The following NECAP2 variants were observed in gnomAD, a reference collection of about 807,000 sequenced individuals.
NECAP2 encodes NECAP endocytosis associated 2, also known as adaptin ear-binding coat-associated protein 2.
NECAP2 carries 38 observed loss-of-function variants against 37.8 expected under a neutral mutation model. The observed-to-expected ratio is 1.01, with a 90% CI of 0.78 to 1.32. The LOEUF (loss-of-function observed/expected upper bound fraction) is 1.32. Ranked by LOEUF, NECAP2 falls within the 40% of genes most tolerant of loss-of-function variation. NECAP2 has a pLI of 0.00. For missense variants in NECAP2, 316 were observed against 334.5 expected (o/e 0.94, Z 0.43); for synonymous variants, 121 against 127.7 (o/e 0.95, Z 0.35).
chr1:16,450,354 A>C (rs1481669078), intron 5 of NECAP2: 2 of 328,830 alleles, frequency 6.1e-6, no homozygotes, highest in Non-Finnish European at 1.2e-5. Context: ...TGAGATGAGG[A>C]AATGGAGGCT....
At chr1:16,447,031 G>A (rs2086773404) in intron 2 of NECAP2, among the ~76,000 whole-genome samples, 1 of 147,808 alleles carries the variant, frequency 6.8e-6, no homozygotes, top group Non-Finnish European at 1.5e-5. Context: ...CTGCACTCCA[G>A]CCTGGGTGAC....
intron 2 of NECAP2, among the ~76,000 whole-genome samples, chr1:16,447,482 A>G (rs2086781034): frequency 6.6e-6 from 1 of 152,146 alleles, no homozygotes; most frequent in Non-Finnish European, 1.5e-5. Flanking sequence ...TACCTAGGCC[A>G]GGGTTCACCT....
At chr1:16,454,938 G>C (rs1377059045) in intron 6 of NECAP2, among the ~76,000 whole-genome samples, 1 of 152,170 alleles carries the variant, frequency 6.6e-6, no homozygotes, top group Non-Finnish European at 1.5e-5. Context: ...GTTATTTTCA[G>C]CATTTTAGAG....
intron 4 of NECAP2, 58 bp downstream of exon 4, chr1:16,448,199 G>A: frequency 6.7e-7 from 1 of 1,500,180 alleles, no homozygotes; most frequent in Non-Finnish European, 9.3e-7. Context: ...TGGACAGAAT[G>A]ATCTCCCAGG....
At chr1:16,446,868 T>C (rs2086770822) in intron 2 of NECAP2, among the ~76,000 whole-genome samples, 2 of 152,114 alleles carry the variant, frequency 1.3e-5, no homozygotes, top group South Asian at 4.1e-4. Context: ...AAGACCAGCC[T>C]GGCCAACATG....
At chr1:16,455,795 G>T in intron 6 of NECAP2, 23 bp from the exon 7 acceptor site, 2 of 1,602,998 alleles carry the variant, frequency 1.2e-6, no homozygotes, top group Non-Finnish European at 1.7e-6. Context: ...CTTCCTACGG[G>T]TCGGACTCGG....
intron 6 of NECAP2, among the ~76,000 whole-genome samples, chr1:16,452,625 C>G (rs74055681): frequency 0.027 from 4,068 of 152,124 alleles, 182 homozygotes; most frequent in African/African-American, 0.09. Context: ...GTGAGCACCT[C>G]GGGTGTGGGA....
intron 1 of NECAP2, chr1:16,441,122 A>G (rs989170023): frequency 8.1e-6 from 4 of 493,008 alleles, no homozygotes; most frequent in Non-Finnish European, 1.5e-5. Context: ...CGGGTACCCT[A>G]AACTTGGTCG....
rs780345892 is a variant in NECAP2 at position 16,451,917 on chromosome 1, C to T, written c.569C>T (p.Pro190Leu). The T allele has an allele frequency of 4.3e-6, 7 of 1,614,012 alleles. No homozygotes were observed. The highest frequency in any genetic ancestry group is 1.3e-5 in the African/African-American group (1 of 75,042). The change falls in exon 6 of 8, where the codon CCT becomes CTT. Residue 190 changes from proline to leucine, a missense_variant. Around this residue, in one of 3 missense-constraint regions of NECAP2, gnomAD observed 204 missense variants for 188.6 expected, o/e 1.08. Transcript: ENST00000337132. ...ACAGGAGGGCTGAGCCTGCTTCCCC[C>T]TCCCCCAGGGGGGAAAACCTCCACC... ...ASTGGLSLLP[P>L]PPGGKTSTLI...
intron 6 of NECAP2, among the ~76,000 whole-genome samples, chr1:16,454,352 C>G (rs142801688): frequency 6.3e-4 from 94 of 150,254 alleles, no homozygotes; most frequent in African/African-American, 2.3e-3. Context: ...AGCCACCGCA[C>G]CTCGCCTACT....
intron 6 of NECAP2, among the ~76,000 whole-genome samples, chr1:16,453,000 G>A (rs1461455865): frequency 6.6e-6 from 1 of 152,144 alleles, no homozygotes; most frequent in Non-Finnish European, 1.5e-5. Context: ...AGAGAGCCCC[G>A]GCCCGGTACC....
Position 16,459,865 on chromosome 1 carries a change from G to C in NECAP2, c.*975G>C, listed in dbSNP as rs918799012. On this transcript the variant is annotated 3_prime_UTR_variant, in exon 8 of 8. Coordinates refer to ENST00000337132, the MANE Select transcript of NECAP2 (RefSeq NM_018090.5). The stretch of plus-strand genomic sequence containing the variant: ...TTTTCTCCTTCAGGAACTGTGAATG[G>C]CTAGAAGAAGGAGCTCAGTAAACTA... 8 of 152,294 alleles carry C rather than the reference G, an allele frequency of 5.3e-5. No homozygotes were observed. The highest frequency in any genetic ancestry group is 1.7e-4 in the African/African-American group (7 of 41,568). 9.4% of individuals were successfully genotyped at this position (152,294 alleles called of 1,614,324 possible).
chr1:16,440,801 C>T lies in NECAP2; in HGVS notation c.40C>T (p.Pro14Ser). The T allele has an allele frequency of 6.2e-7, 1 of 1,614,184 alleles. No homozygotes were observed. Among genetic ancestry groups the T allele is most frequent in the Non-Finnish European group, 8.5e-7 (1 of 1,180,012 alleles). Residue 14 changes from proline to serine, a missense_variant, in exon 1 of 8, where the codon CCT becomes TCT. Physicochemically the swap from Pro to Ser is moderately conservative, Grantham distance 74. This residue lies in a region of NECAP2 where 31 missense variants were observed against 21.7 expected (regional missense o/e 1.43). Transcript: ENST00000337132. ...SGYESVLCVK[P>S]DVHVYRIPPR... ...GTACGAGTCGGTGCTCTGTGTCAAG[C>T]CTGACGTCCACGTCTACCGCATCCC...
intron 7 of NECAP2, 49 bp from the exon 8 acceptor site, chr1:16,458,793 A>G (rs757438178): frequency 1.2e-6 from 2 of 1,600,230 alleles, no homozygotes; most frequent in East Asian, 4.5e-5. Context: ...TCTGCTTTGT[A>G]TTTTCAAAGA....
At chr1:16,451,198 C>T (rs1471919284) in intron 5 of NECAP2, 1 of 152,138 alleles carries the variant, frequency 6.6e-6, no homozygotes, top group Non-Finnish European at 1.5e-5. Flanking sequence ...GAGAGTCATC[C>T]ATGGTGTTGC....
intron 4 of NECAP2, 118 bp from the exon 5 acceptor site, chr1:16,448,975 C>A: frequency 1.5e-6 from 1 of 658,866 alleles, no homozygotes; most frequent in African/African-American, 1.8e-5. Context: ...CTTTCCAGCA[C>A]CCCGTCTCAC....
At chr1:16,452,625 C>T (rs74055681) in intron 6 of NECAP2, among the ~76,000 whole-genome samples, 1 of 152,012 alleles carries the variant, frequency 6.6e-6, no homozygotes, top group Non-Finnish European at 1.5e-5. Context: ...GTGAGCACCT[C>T]GGGTGTGGGA....
rs895030592 is a variant in NECAP2 at position 16,455,800 on chromosome 1, A to G, written c.668-18A>G. 6.2e-7 allele frequency: 1 copy of G among 1,609,836 alleles called. No homozygotes were observed. Among genetic ancestry groups the G allele is most frequent in the Non-Finnish European group, 8.5e-7 (1 of 1,176,284 alleles). On this transcript the variant is annotated intron_variant, in intron 6 of 7. Transcript: ENST00000337132. The stretch of plus-strand genomic sequence containing the variant: ...CCCCTCTTCTCTTCCTACGGGTCGG[A>G]CTCGGGAACATCAATAGGAGGTGCT...
intron 1 of NECAP2, among the ~76,000 whole-genome samples, chr1:16,442,028 G>C (rs1218012012): frequency 1.3e-5 from 2 of 149,084 alleles, no homozygotes; most frequent in Non-Finnish European, 3.0e-5. Flanking sequence ...GTCCAGGCTA[G>C]AGTGCAATGG....
Sources: gnomAD v4.1 joint callset for allele counts (sites outside exome capture counted in the v4.1 genomes callset) on GRCh38, gnomAD v4.1.1 for gene constraint, gnomAD v4.1.1 regional missense constraint, MANE v1.5 for transcripts, NCBI Gene and HGNC (gene_info 2026-07-23, HGNC 2026-07-21) for gene names.